EFCAB5: variants seen among roughly 807,000 people sequenced by gnomAD.
EFCAB5 encodes EF-hand calcium-binding domain-containing protein 5.
Under a neutral mutation model 167.9 loss-of-function variants are expected in EFCAB5, and 131 were observed. The ratio of observed to expected loss-of-function variants is 0.78; its 90% CI spans 0.68 to 0.90. The LOEUF (loss-of-function observed/expected upper bound fraction) is 0.90. Among genes scored for constraint, EFCAB5 ranks in the 40% least tolerant of loss-of-function variants. The pLI is 0.00. For synonymous variants in EFCAB5, 574 were observed against 602.8 expected, an observed-to-expected ratio of 0.95 and a Z score of 0.70; for missense variants, 1,663 against 1,745.2, an observed-to-expected ratio of 0.95 and a Z score of 0.84.
chr17:30,082,916 C>T lies in EFCAB5; in HGVS notation c.3452C>T (p.Ala1151Val), dbSNP rs996674482. The T allele has an allele frequency of 1.9e-6, 3 of 1,613,658 alleles. No individual in the cohort carries two copies. In the African/African-American group the frequency reaches 4.0e-5, roughly 22 times the overall value. ...YQGVANVFST[A>V]YHYVHSREHI... The stretch of plus-strand genomic sequence containing the variant: ...GGTGTTGCTAATGTCTTTAGCACTG[C>T]CTATCACTACGTCCACAGCCGGGAG... The change falls in exon 18 of 23, where the codon GCC (alanine) becomes GTC (valine). Residue 1151 changes from alanine (A) to valine (V), a missense_variant. Physicochemically the swap from Ala to Val is moderately conservative, Grantham distance 64. Transcript: ENST00000394835.
In EFCAB5 at chr17:29,951,340, T is replaced by G. The variant is rs151133599; in HGVS notation, c.190+7691T>G. Among the ~76,000 whole-genome samples the G allele has an allele frequency of 2.2e-3, 333 of 152,276 alleles. 2 individuals carry two copies. Among genetic ancestry groups the G allele is most frequent in the African/African-American group, 6.6e-3 (273 of 41,576 alleles). On this transcript the variant is annotated intron_variant, in intron 3 of 22. Coordinates refer to ENST00000394835, the MANE Select transcript of EFCAB5 (RefSeq NM_198529.4). ...TTGTTTTTTTGTTTTTGTTTTGTTT[T>G]GTTTGGTTTGGTTTTGAGACGGAGT...
At chr17:30,059,397 C>A in intron 13 of EFCAB5, 148 bp from the exon 14 acceptor site, 1 of 771,640 alleles carries the variant, frequency 1.3e-6, no homozygotes, top group Non-Finnish European at 1.9e-6. Flanking sequence ...ACTGCTGAAT[C>A]ACTGCATTTT....
chr17:30,002,871 C>T (rs2068692448), intron 7 of EFCAB5, among the ~76,000 whole-genome samples: 1 of 152,036 alleles, frequency 6.6e-6, no homozygotes, highest in African/African-American at 2.4e-5. Flanking sequence ...CTATTTTAGC[C>T]CTTGAAAATG....
chr17:29,994,382 G>T (rs1260192139), intron 5 of EFCAB5, among the ~76,000 whole-genome samples: 6 of 151,730 alleles, frequency 4.0e-5, no homozygotes, highest in African/African-American at 1.5e-4. Flanking sequence ...CTTGCCAAAA[G>T]TGCCTTAGCT....
At chr17:30,106,388 A>G (rs534695693) in intron 22 of EFCAB5, among the ~76,000 whole-genome samples, 115 of 152,284 alleles carry the variant, frequency 7.6e-4, no homozygotes, top group African/African-American at 2.7e-3. Context: ...TGAGTTAGTT[A>G]CTAGGAATAA....
intron 4 of EFCAB5, among the ~76,000 whole-genome samples, chr17:29,979,426 A>G (rs2068127795): frequency 6.6e-6 from 1 of 152,164 alleles, no homozygotes; most frequent in Non-Finnish European, 1.5e-5. Context: ...TATAGTCACA[A>G]TGACCACTAA....
At chr17:29,958,757 C>G (rs1305478917) in intron 3 of EFCAB5, among the ~76,000 whole-genome samples, 2 of 152,112 alleles carry the variant, frequency 1.3e-5, no homozygotes, top group Non-Finnish European at 2.9e-5. Flanking sequence ...TGTTTGTACC[C>G]ATCCTTCTTG....
chr17:30,011,317 A>G (rs2068894108), intron 7 of EFCAB5, among the ~76,000 whole-genome samples: 1 of 152,194 alleles, frequency 6.6e-6, no homozygotes, highest in Admixed American at 6.5e-5. Flanking sequence ...TGAACTTTAA[A>G]GTAGTTTTTT....
chr17:29,967,104 A>C (rs989482760), intron 3 of EFCAB5, among the ~76,000 whole-genome samples: 2 of 151,332 alleles, frequency 1.3e-5, no homozygotes, highest in African/African-American at 4.9e-5. Flanking sequence ...TCTTTTAAAG[A>C]CTCCTTACAT....
At chr17:30,101,507 T>A (rs1043531755) in intron 22 of EFCAB5, among the ~76,000 whole-genome samples, 2 of 152,194 alleles carry the variant, frequency 1.3e-5, no homozygotes, top group African/African-American at 4.8e-5. Context: ...GATTTTGACA[T>A]GCTGAGTTTG....
intron 22 of EFCAB5, among the ~76,000 whole-genome samples, chr17:30,096,801 T>C (rs2071300921): frequency 6.9e-6 from 1 of 145,582 alleles, no homozygotes; most frequent in Non-Finnish European, 1.5e-5. Context: ...TGCCTCAGCC[T>C]CCCCAGTAGC....
rs191849013 is a variant in EFCAB5, at chr17:29,985,001, C to A, written c.768-8164C>A. ...AATATGTCAGATTGTCTTAGTCTTT[C>A]TTCTTTGAAAGATGAAGACTTGCCT... On this transcript the variant is annotated intron_variant, in intron 4 of 22. Transcript: ENST00000394835. Among the ~76,000 whole-genome samples the A allele has an allele frequency of 6.6e-5, 10 of 152,266 alleles. No homozygotes were observed. In the East Asian group the frequency reaches 1.9e-3, roughly 29 times the overall value.
chr17:30,083,789 C>A (rs1251830632), intron 18 of EFCAB5, among the ~76,000 whole-genome samples: 2 of 152,128 alleles, frequency 1.3e-5, no homozygotes, highest in Non-Finnish European at 2.9e-5. Context: ...AGATACATAC[C>A]CCTGGCCAGA....
At chr17:29,953,329 G>A (rs1333964095) in intron 3 of EFCAB5, among the ~76,000 whole-genome samples, 3 of 152,214 alleles carry the variant, frequency 2.0e-5, no homozygotes, top group Admixed American at 2.0e-4. Context: ...CAAGTGATAT[G>A]ATTTGACTGT....
chr17:30,108,047 T>C lies in EFCAB5; in HGVS notation c.*23T>C. 6.3e-7 allele frequency: 1 copy of C among 1,583,034 alleles called. No individual in the cohort carries two copies. The highest frequency in any genetic ancestry group is 1.9e-5 in the Admixed American group (1 of 51,388). ...TGATAATGGATGATAATGGAATTGA[T>C]ACTGTATTTAGGATCCTTTGTTTGT... On this transcript the variant is annotated 3_prime_UTR_variant, in exon 23 of 23. Coordinates refer to ENST00000394835, the MANE Select transcript of EFCAB5 (RefSeq NM_198529.4).
chr17:30,058,852 T>C (rs986262581), intron 13 of EFCAB5, among the ~76,000 whole-genome samples: 2 of 151,926 alleles, frequency 1.3e-5, no homozygotes, highest in Non-Finnish European at 2.9e-5. Flanking sequence ...CTGGGTGACA[T>C]AGCAAGACTC....
At chr17:29,941,592 A>AT, upstream of EFCAB5, 4 of 462,692 alleles carry the variant, frequency 8.6e-6, no homozygotes, top group South Asian at 1.5e-4. Context: ...AGCAACAGTC[A>AT]TAACAGTAAT....
intron 7 of EFCAB5, among the ~76,000 whole-genome samples, chr17:30,029,017 A>G (rs2069407075): frequency 6.6e-6 from 1 of 152,154 alleles, no homozygotes; most frequent in Non-Finnish European, 1.5e-5. Context: ...TTAGGGAGTA[A>G]AACTTAGCTT....
At chr17:30,062,592 G>A (rs562587855) in intron 14 of EFCAB5, among the ~76,000 whole-genome samples, 13 of 152,328 alleles carry the variant, frequency 8.5e-5, no homozygotes, top group African/African-American at 3.1e-4. Context: ...TGGCCCGTGT[G>A]GCTACTGCAC....
Sources: allele counts gnomAD v4.1 joint callset (sites outside exome capture counted in the v4.1 genomes callset), GRCh38; gene constraint gnomAD v4.1.1; transcripts MANE v1.5; gene names NCBI Gene and HGNC (gene_info 2026-07-23, HGNC 2026-07-21).